Variants in SETD2 observed in about 807,000 individuals in gnomAD.
SETD2 encodes the protein histone-lysine N-methyltransferase SETD2.
SETD2 carries 31 observed loss-of-function variants against 242.1 expected under a neutral mutation model. The observed-to-expected ratio is 0.13, with a 90% CI of 0.10 to 0.17. The LOEUF is 0.17. Among genes scored for constraint, SETD2 ranks in the 10% least tolerant of loss-of-function variants. The pLI is 1.00. For synonymous variants in SETD2, 1,006 were observed against 1,066.5 expected (o/e 0.94, Z 1.11); for missense variants, 2,481 against 3,046.3 (o/e 0.81, Z 4.37).
intron 18 of SETD2, among the ~76,000 whole-genome samples, chr3:47,032,678 G>A (rs552108824): frequency 2.0e-5 from 3 of 152,078 alleles, no homozygotes; most frequent in South Asian, 4.2e-4. Flanking sequence ...TTAGGAGGCC[G>A]AGACAAGTGG....
Position 47,124,668 on chromosome 3 carries a change from A to C in SETD2, c.88-120T>G, listed in dbSNP as rs2043255704. The C allele has an allele frequency of 4.8e-6, 4 of 828,096 alleles. No individual in the cohort carries two copies. The South Asian group carries it at 6.0e-5, about 12-fold the overall frequency. 51.3% of individuals were successfully genotyped at this position (828,096 alleles called of 1,614,324 possible). A position where few individuals can be genotyped will look rare whatever the true frequency, so the allele number is the denominator to read the frequency against. ...CCCTTTTTAATAACAAATAGTATGA[A>C]TTTCACTAAGCTATATATATCTTTA... On this transcript the variant is annotated intron_variant, in intron 2 of 20. Transcript: ENST00000409792.
chr3:47,061,433 G>A (rs1183114983), intron 14 of SETD2, among the ~76,000 whole-genome samples: 1 of 152,068 alleles, frequency 6.6e-6, no homozygotes, highest in Non-Finnish European at 1.5e-5. Context: ...TTCAAGGACA[G>A]CACCTTACAG....
intron 18 of SETD2, among the ~76,000 whole-genome samples, chr3:47,031,365 T>C (rs2038761547): frequency 6.6e-6 from 1 of 152,198 alleles, no homozygotes; most frequent in Non-Finnish European, 1.5e-5. Flanking sequence ...ACAGGGGGTA[T>C]ATGGAAACTC....
chr3:47,024,545 C>T (rs898453264), intron 18 of SETD2, among the ~76,000 whole-genome samples: 9 of 150,676 alleles, frequency 6.0e-5, no homozygotes, highest in East Asian at 5.8e-4. Context: ...CCAGCTAATT[C>T]GGAGGCTGAG....
chr3:47,103,124 G>C (rs1256750455), intron 7 of SETD2, among the ~76,000 whole-genome samples: 1 of 152,064 alleles, frequency 6.6e-6, no homozygotes, highest in Non-Finnish European at 1.5e-5. Context: ...ATGTTAACAT[G>C]GGGAAAGCTA....
chr3:47,097,852 T>A, intron 9 of SETD2, 103 bp downstream of exon 9: 3 of 1,113,238 alleles, frequency 2.7e-6, no homozygotes, highest in Non-Finnish European at 3.9e-6. Context: ...TGATCTTGGA[T>A]TTCTCTGGTG....
At chr3:47,164,836 T>TGC (rs1697624431), upstream of SETD2, among the ~76,000 whole-genome samples, 1 of 151,930 alleles carries the variant, frequency 6.6e-6, no homozygotes, top group Non-Finnish European at 1.5e-5. This position sits in a 1 kb window ranked among gnomAD's most constrained non-coding sequence, Gnocchi z 5.4. Flanking sequence ...CCACCCGAAG[T>TGC]CTCCAAGGCG....
intron 1 of SETD2, among the ~76,000 whole-genome samples, chr3:47,162,672 A>C (rs1421628511): frequency 6.6e-6 from 1 of 152,236 alleles, no homozygotes; most frequent in Non-Finnish European, 1.5e-5. Flanking sequence ...AAAATGTGTC[A>C]AAACAGCAAA....
chr3:47,105,974 G>A lies in SETD2; in HGVS notation c.4839+23C>T, dbSNP rs557444907. ...TCAAACCTAACAGATCTGTTTCAAG[G>A]CAAACATATCCAAGCTGCTTACCTC... On this transcript the variant is annotated intron_variant, in intron 6 of 20. Coordinates refer to ENST00000409792, the MANE Select transcript of SETD2 (RefSeq NM_014159.7). 6.8e-6 allele frequency: 11 copies of A among 1,606,912 alleles called. No homozygotes were observed. In the East Asian group the frequency reaches 2.0e-4, roughly 30 times the overall value.
chr3:47,031,005 C>T (rs1469421882), intron 18 of SETD2, among the ~76,000 whole-genome samples: 1 of 152,174 alleles, frequency 6.6e-6, no homozygotes, highest in Non-Finnish European at 1.5e-5. Flanking sequence ...AGGCTACCTA[C>T]TGTAGCTAAC....
At chr3:47,095,480 A>C (rs2041971470) in intron 9 of SETD2, among the ~76,000 whole-genome samples, 1 of 152,128 alleles carries the variant, frequency 6.6e-6, no homozygotes, top group South Asian at 2.1e-4. Flanking sequence ...ATGTTTAATA[A>C]CTACTTTGTG....
intron 13 of SETD2, among the ~76,000 whole-genome samples, chr3:47,064,396 C>T (rs530738529): frequency 6.6e-6 from 1 of 152,324 alleles, no homozygotes; most frequent in Non-Finnish European, 1.5e-5. Flanking sequence ...GGTATTAGCA[C>T]TATATCCTTT....
intron 3 of SETD2, among the ~76,000 whole-genome samples, chr3:47,118,040 C>T (rs1331873629): frequency 6.6e-6 from 1 of 152,186 alleles, no homozygotes; most frequent in East Asian, 1.9e-4. Context: ...CTGCTTTGAT[C>T]TTCAACATAT....
chr3:47,134,769 A>G (rs1387977200), intron 1 of SETD2, among the ~76,000 whole-genome samples: 2 of 151,992 alleles, frequency 1.3e-5, no homozygotes, highest in African/African-American at 4.8e-5. Flanking sequence ...GATTATAGGC[A>G]TGTGCCGCCA....
chr3:47,146,910 T>C (rs1361985323), intron 1 of SETD2, among the ~76,000 whole-genome samples: 2 of 150,706 alleles, frequency 1.3e-5, no homozygotes, highest in Admixed American at 6.6e-5. Context: ...ACTAGTCCAC[T>C]CTAGGTGACA....
intron 1 of SETD2, among the ~76,000 whole-genome samples, chr3:47,142,670 C>CTTT (rs376806677): frequency 7.2e-6 from 1 of 139,666 alleles, no homozygotes; most frequent in African/African-American, 2.6e-5. Flanking sequence ...TATACATTGT[C>CTTT]TTTTTTTTTT....
chr3:47,030,963 C>T (rs1386800945), intron 18 of SETD2, among the ~76,000 whole-genome samples: 1 of 152,212 alleles, frequency 6.6e-6, no homozygotes, highest in African/African-American at 2.4e-5. Flanking sequence ...AGCCTCAATG[C>T]ATATTGCTAA....
In SETD2 at chr3:47,123,100, TGAA is replaced by T. The variant is rs2043172491; in HGVS notation, c.1533_1535del (p.Ser512del). 1 of 1,613,304 alleles carries T rather than the reference TGAA, an allele frequency of 6.2e-7. No individual in the cohort carries two copies. Among genetic ancestry groups the T allele is most frequent in the African/African-American group, 1.3e-5 (1 of 74,882 alleles). ...TCCTTTTAGATTCTCTTTCTAGTTT[TGAA>T]GAATACTTGCCTCTTCTTTCCATCT... On this transcript the variant is annotated inframe_deletion, in exon 3 of 21. Coordinates refer to ENST00000409792, the MANE Select transcript of SETD2 (RefSeq NM_014159.7).
At chr3:47,137,845 C>T (rs909908490) in intron 1 of SETD2, among the ~76,000 whole-genome samples, 1 of 151,954 alleles carries the variant, frequency 6.6e-6, no homozygotes, top group Non-Finnish European at 1.5e-5. Flanking sequence ...CGCCACCACA[C>T]CCAGCTAATT....
Sources: gnomAD v4.1 joint callset for allele counts (sites outside exome capture counted in the v4.1 genomes callset) on GRCh38, gnomAD v4.1.1 for gene constraint, Gnocchi (gnomAD v3.1) non-coding constraint, MANE v1.5 for transcripts, NCBI Gene and HGNC (gene_info 2026-07-23, HGNC 2026-07-21) for gene names.